RIT2: variants seen among roughly 807,000 people sequenced by gnomAD.
The protein encoded by RIT2 is Ras like without CAAX 2, also known as GTP-binding protein Rit2.
A neutral mutation model predicts 23.7 loss-of-function variants in RIT2; 24 were observed. The ratio of observed to expected loss-of-function variants is 1.01; its 90% CI spans 0.73 to 1.43. The LOEUF (loss-of-function observed/expected upper bound fraction) is 1.43. Ranked by LOEUF, RIT2 falls within the 40% of genes most tolerant of loss-of-function variation. The pLI, the probability that RIT2 is intolerant of heterozygous loss-of-function variation, is 0.00. For missense variants in RIT2, 236 were observed against 266.9 expected (o/e 0.88, Z 0.81); for synonymous variants, 107 against 91.1 (o/e 1.17, Z -0.99).
At chr18:42,829,376 C>T (rs987569674) in intron 4 of RIT2, among the ~76,000 whole-genome samples, 2 of 152,136 alleles carry the variant, frequency 1.3e-5, no homozygotes, top group African/African-American at 2.4e-5. Flanking sequence ...GATAGTATGA[C>T]ACACCAGAAA....
chr18:42,836,734 C>G (rs1906615964), intron 4 of RIT2, among the ~76,000 whole-genome samples: 1 of 152,146 alleles, frequency 6.6e-6, no homozygotes, highest in Non-Finnish European at 1.5e-5. Context: ...TTCGAGATTA[C>G]CAAAATATTC....
rs191076835 is a variant in RIT2, at chr18:42,897,249, T to C, written c.426+26323A>G. The stretch of plus-strand genomic sequence containing the variant: ...AACACACTAGTTACAGTTTCAGTCC[T>C]GAGAGAGAGAGACTTGCTGTGTTAG... On this transcript the variant is annotated intron_variant, in intron 4 of 4. Transcript: ENST00000326695. Among the ~76,000 whole-genome samples, 3 of 152,226 alleles carry C rather than the reference T, an allele frequency of 2.0e-5. No individual in the cohort carries two copies. The East Asian group carries it at 5.8e-4, about 29-fold the overall frequency.
chr18:42,829,826 A>G (rs886232872), intron 4 of RIT2, among the ~76,000 whole-genome samples: 1 of 152,186 alleles, frequency 6.6e-6, no homozygotes, highest in Admixed American at 6.5e-5. Context: ...CATATAAAAG[A>G]TACGTTATAA....
At chr18:43,106,108 G>A (rs184766486) in intron 1 of RIT2, among the ~76,000 whole-genome samples, 2 of 152,184 alleles carry the variant, frequency 1.3e-5, no homozygotes, top group East Asian at 3.9e-4. Flanking sequence ...CACACTTCTG[G>A]GTTTAGTGAG....
intron 4 of RIT2, among the ~76,000 whole-genome samples, chr18:42,854,668 A>G (rs975876603): frequency 1.3e-5 from 2 of 152,218 alleles, no homozygotes; most frequent in African/African-American, 2.4e-5. Flanking sequence ...CTGAGAATTA[A>G]AAACAAACAG....
In RIT2 at chr18:42,804,518, G is replaced by A. The variant is rs539552424; in HGVS notation, c.427-60798C>T. The stretch of plus-strand genomic sequence containing the variant: ...TGCAGTGAGCTGAGATTGCGCCACT[G>A]CACTCCAGCCTGGGCGACAAGAGTG... On this transcript the variant is annotated intron_variant, in intron 4 of 4. Transcript: ENST00000326695. Among the ~76,000 whole-genome samples the A allele has an allele frequency of 2.2e-5, 3 of 135,800 alleles. No homozygotes were observed. In the East Asian group the frequency reaches 6.5e-4, roughly 30 times the overall value. The allele number at this position is 135,800 out of a possible 152,430, so 89.1% of individuals were successfully genotyped here.
intron 4 of RIT2, among the ~76,000 whole-genome samples, chr18:42,864,166 T>C (rs987425837): frequency 6.6e-6 from 1 of 152,180 alleles, no homozygotes; most frequent in African/African-American, 2.4e-5. Flanking sequence ...TACCTGTTGG[T>C]TGCCATGCCT....
Position 43,000,087 on chromosome 18 carries a change from C to T in RIT2, c.161-25940G>A, listed in dbSNP as rs1911069695. On this transcript the variant is annotated intron_variant, in intron 2 of 4. Transcript: ENST00000326695. ...GTGCTTCATATAGGTGATTGACTTG[C>T]AATCTCAGTTGACAAAATGAAGAAG... Among the ~76,000 whole-genome samples, 3 of 152,000 alleles carry T rather than the reference C, an allele frequency of 2.0e-5. No individual in the cohort carries two copies. In the South Asian group the frequency reaches 6.2e-4, roughly 32 times the overall value.
intron 1 of RIT2, among the ~76,000 whole-genome samples, chr18:43,101,646 A>G (rs1056919059): frequency 6.6e-6 from 1 of 152,220 alleles, no homozygotes; most frequent in East Asian, 1.9e-4. Context: ...TGTTTCAAAC[A>G]TGCCAGGCTG....
At chr18:42,764,932 G>C (rs1029894656) in intron 4 of RIT2, among the ~76,000 whole-genome samples, 1 of 152,194 alleles carries the variant, frequency 6.6e-6, no homozygotes, top group Non-Finnish European at 1.5e-5. Flanking sequence ...ACATTTGAGA[G>C]TCCATTTATC....
At chr18:42,967,590 A>T (rs1418239656) in intron 3 of RIT2, among the ~76,000 whole-genome samples, 1 of 115,158 alleles carries the variant, frequency 8.7e-6, no homozygotes, top group African/African-American at 3.5e-5. Context: ...ACGGGGTTTC[A>T]CCATGTTAGC....
At chr18:42,746,083 C>A (rs1912910489) in intron 4 of RIT2, among the ~76,000 whole-genome samples, 1 of 152,030 alleles carries the variant, frequency 6.6e-6, no homozygotes, top group Non-Finnish European at 1.5e-5. Context: ...CTCTTATCCT[C>A]TTATTTTGGG....
intron 4 of RIT2, among the ~76,000 whole-genome samples, chr18:42,813,718 C>A (rs1167898374): frequency 2.0e-5 from 3 of 152,150 alleles, no homozygotes; most frequent in Non-Finnish European, 2.9e-5. Context: ...TAGTGGGGAT[C>A]TAGACTAGAT....
At chr18:43,115,036 T>G (rs1914035884) in intron 1 of RIT2, among the ~76,000 whole-genome samples, 1 of 152,168 alleles carries the variant, frequency 6.6e-6, no homozygotes, top group South Asian at 2.1e-4. Flanking sequence ...TGTGTTTAAT[T>G]GAATATTCAT....
intron 3 of RIT2, among the ~76,000 whole-genome samples, chr18:42,965,711 CTTTTTTTTTTTTT>C (rs58344278): frequency 0.01 from 392 of 37,702 alleles, no homozygotes; most frequent in Non-Finnish European, 0.016. Flanking sequence ...GTACTGATGG[CTTTTTTTTTTTTT>C]TTTTTTTTTT....
chr18:42,860,488 T>C (rs207476785), intron 4 of RIT2, among the ~76,000 whole-genome samples: 95 of 152,352 alleles, frequency 6.2e-4, no homozygotes, highest in African/African-American at 2.3e-3. Context: ...ATTGCTTTTA[T>C]GGAGAAGCAG....
chr18:42,957,655 G>A lies in RIT2; in HGVS notation c.234+16419C>T, dbSNP rs185550226. Among the ~76,000 whole-genome samples, 700 of 152,196 alleles carry A rather than the reference G, an allele frequency of 4.6e-3. 3 individuals carry two copies. The highest frequency in any genetic ancestry group is 0.017 in the Middle Eastern group (5 of 294). On this transcript the variant is annotated intron_variant, in intron 3 of 4. Transcript: ENST00000326695. Reference sequence around the variant, plus strand: ...AAAAATTAGCCAGGCATGGTGGCATGCACCTGTAATACCAGCTACTTGGGA... The same window carrying A: ...AAAAATTAGCCAGGCATGGTGGCATACACCTGTAATACCAGCTACTTGGGA...
intron 4 of RIT2, among the ~76,000 whole-genome samples, chr18:42,859,685 T>A (rs943950237): frequency 6.6e-6 from 1 of 152,218 alleles, no homozygotes; most frequent in African/African-American, 2.4e-5. Context: ...TTTTACAATT[T>A]TACCTTCTAC....
intron 1 of RIT2, among the ~76,000 whole-genome samples, chr18:43,050,841 G>A (rs912314556): frequency 6.6e-6 from 1 of 152,042 alleles, no homozygotes; most frequent in Non-Finnish European, 1.5e-5. Context: ...GCACACCGAG[G>A]GAGGGCATTG....
Sources: gnomAD v4.1 joint callset for allele counts (sites outside exome capture counted in the v4.1 genomes callset) on GRCh38, gnomAD v4.1.1 for gene constraint, MANE v1.5 for transcripts, NCBI Gene and HGNC (gene_info 2026-07-23, HGNC 2026-07-21) for gene names.